GRIK5: variants seen among roughly 807,000 people sequenced by gnomAD.
The protein encoded by GRIK5 is glutamate receptor ionotropic, kainate 5.
GRIK5 carries 43 observed loss-of-function variants against 97.4 expected under a neutral mutation model. The ratio of observed to expected loss-of-function variants is 0.44; its 90% CI spans 0.35 to 0.57. The LOEUF (loss-of-function observed/expected upper bound fraction) is 0.57. Among genes scored for constraint, GRIK5 ranks in the 20% least tolerant of loss-of-function variants. The probability of loss-of-function intolerance (pLI) is 0.01; values close to 1 mark genes in which losing one functional copy is unlikely to be tolerated. For synonymous variants in GRIK5, 580 were observed against 583.5 expected, an observed-to-expected ratio of 0.99 and a Z score of 0.09; for missense variants, 1,015 against 1,382.0, an observed-to-expected ratio of 0.73 and a Z score of 4.21.
intron 6 of GRIK5, 150 bp from the exon 7 acceptor site, chr19:42,057,128 G>A: frequency 1.5e-6 from 1 of 684,018 alleles, no homozygotes; most frequent in Non-Finnish European, 2.6e-6. Flanking sequence ...AATGCTCAGA[G>A]ATAGACAGAC....
chr19:42,066,572 G>A (rs1403835092), intron 1 of GRIK5, among the ~76,000 whole-genome samples: 1 of 151,794 alleles, frequency 6.6e-6, no homozygotes, highest in Non-Finnish European at 1.5e-5. Context: ...AGAGAGAAAG[G>A]TCAAAATAGA....
At chr19:42,017,004 G>A (rs2075632997) in intron 15 of GRIK5, among the ~76,000 whole-genome samples, 1 of 151,856 alleles carries the variant, frequency 6.6e-6, no homozygotes, top group African/African-American at 2.4e-5. Context: ...TTTTAATCGA[G>A]GGATGACTGG....
At chr19:42,046,461 C>T (rs1163223587) in intron 11 of GRIK5, among the ~76,000 whole-genome samples, 7 of 152,204 alleles carry the variant, frequency 4.6e-5, no homozygotes, top group Non-Finnish European at 1.5e-5. Context: ...TGAGATACTG[C>T]TAAGTCCAGT....
At chr19:42,001,509 G>A (rs1272985512) in intron 19 of GRIK5, among the ~76,000 whole-genome samples, 2 of 152,160 alleles carry the variant, frequency 1.3e-5, no homozygotes, top group African/African-American at 4.8e-5. Flanking sequence ...GATTACAGGC[G>A]TGAGCCACCA....
chr19:42,062,321 G>T lies in GRIK5; in HGVS notation c.508+167C>A, dbSNP rs1040403333. 6.6e-6 allele frequency among the ~76,000 whole-genome samples: 1 copy of T among 152,122 alleles called. No individual in the cohort carries two copies. The highest frequency in any genetic ancestry group is 1.5e-5 in the Non-Finnish European group (1 of 68,020). On this transcript the variant is annotated intron_variant, in intron 5 of 19. Transcript: ENST00000593562. The surrounding 1 kb of genome is among the most constrained non-coding windows in gnomAD (Gnocchi z 5.3). ...AAATGGATCTCTTTGGGGAGAGAAG[G>T]GGTCTGTAGAACCAGAGGCCTCGGT...
intron 12 of GRIK5, among the ~76,000 whole-genome samples, chr19:42,036,392 G>A (rs150207831): frequency 2.1e-4 from 32 of 151,668 alleles, no homozygotes; most frequent in Middle Eastern, 6.8e-3. Context: ...TCACTCTGTC[G>A]CCCAGGCTGG....
chr19:42,044,970 T>C (rs1366180766), intron 11 of GRIK5, among the ~76,000 whole-genome samples: 4 of 152,186 alleles, frequency 2.6e-5, no homozygotes, highest in Non-Finnish European at 5.9e-5. Flanking sequence ...ACACTGGTTA[T>C]TGTGTATTGA....
At chr19:42,038,306 C>T (rs1258132088) in intron 12 of GRIK5, among the ~76,000 whole-genome samples, 1 of 152,188 alleles carries the variant, frequency 6.6e-6, no homozygotes, top group Non-Finnish European at 1.5e-5. Context: ...TCAAGACAGG[C>T]CAAGGAGACC....
chr19:42,007,648 T>C (rs1555873024), intron 15 of GRIK5, among the ~76,000 whole-genome samples: 2 of 152,198 alleles, frequency 1.3e-5, no homozygotes, highest in South Asian at 2.1e-4. Context: ...CAGAAACCGG[T>C]GGTCCCCTTG....
rs2075487759 is a variant in GRIK5, at chr19:42,006,160, C to A, written c.2038-212G>T. Among the ~76,000 whole-genome samples the A allele has an allele frequency of 6.6e-6, 1 of 152,162 alleles. No homozygotes were observed. The highest frequency in any genetic ancestry group is 2.1e-4 in the South Asian group (1 of 4,834). On this transcript the variant is annotated intron_variant, in intron 16 of 19. Coordinates refer to ENST00000593562, the MANE Select transcript of GRIK5 (RefSeq NM_002088.5). This position sits in a 1 kb window ranked among gnomAD's most constrained non-coding sequence, Gnocchi z 5.3. ...CCCCACAGCCACTGTGCCCACCACC[C>A]ACCTGGGGGGCCCGGTGAGTGCACC...
intron 12 of GRIK5, among the ~76,000 whole-genome samples, chr19:42,023,887 C>A (rs2075734753): frequency 6.6e-6 from 1 of 152,194 alleles, no homozygotes; most frequent in Non-Finnish European, 1.5e-5. Flanking sequence ...AGGACAGTCT[C>A]CTGTTTAAAA....
At chr19:42,053,555 G>C (rs1328324025) in intron 11 of GRIK5, 47 bp downstream of exon 11, 1 of 1,124,154 alleles carries the variant, frequency 8.9e-7, no homozygotes, top group Admixed American at 1.7e-5. Context: ...AGCTAGGACT[G>C]GGCTCAGGGC....
At chr19:42,008,936 G>A (rs2146022771) in intron 15 of GRIK5, among the ~76,000 whole-genome samples, 1 of 152,294 alleles carries the variant, frequency 6.6e-6, no homozygotes, top group South Asian at 2.1e-4. Flanking sequence ...GAAAAGATGA[G>A]GGAATTTGGG....
chr19:42,049,053 CAAAG>C (rs1187503876), intron 11 of GRIK5, among the ~76,000 whole-genome samples: 1 of 151,936 alleles, frequency 6.6e-6, no homozygotes. Context: ...AAAACAAAAA[CAAAG>C]AAAAATCAAA....
chr19:42,010,790 C>T (rs1482720589), intron 15 of GRIK5, among the ~76,000 whole-genome samples: 2 of 152,200 alleles, frequency 1.3e-5, no homozygotes, highest in African/African-American at 4.8e-5. Flanking sequence ...ATATTCCTCA[C>T]TTTCAAATTT....
At position 42,006,242 on chromosome 19, in the gene GRIK5, T is replaced by C. The variant is rs1555872662; in HGVS notation, c.2038-294A>G. Among the ~76,000 whole-genome samples the C allele has an allele frequency of 6.6e-6, 1 of 152,116 alleles. No homozygotes were observed. The highest frequency in any genetic ancestry group is 6.5e-5 in the Admixed American group (1 of 15,274). On this transcript the variant is annotated intron_variant, in intron 16 of 19. Transcript: ENST00000593562. This position sits in a 1 kb window ranked among gnomAD's most constrained non-coding sequence, Gnocchi z 5.3. Reference sequence around the variant, plus strand: ...TGGCCGCTGCCCAACTCAGGCCTCCTTTAGACCACTAGGACCTCCCTGCCA... The same window carrying C: ...TGGCCGCTGCCCAACTCAGGCCTCCCTTAGACCACTAGGACCTCCCTGCCA...
chr19:42,017,558 G>A (rs2075639558), intron 15 of GRIK5, among the ~76,000 whole-genome samples: 1 of 152,232 alleles, frequency 6.6e-6, no homozygotes, highest in South Asian at 2.1e-4. Context: ...AGCCCCATTT[G>A]AGGGGTGGCA....
chr19:42,066,031 G>C lies in GRIK5; in HGVS notation c.-50-211C>G, dbSNP rs551487658. ...AGCTCAGAGGGGCACTACCAGGGTG[G>C]AGGTCACAGTGCTCAGGCGCTGAGT... On this transcript the variant is annotated intron_variant, in intron 1 of 19. Coordinates refer to ENST00000593562, the MANE Select transcript of GRIK5 (RefSeq NM_002088.5). Among the ~76,000 whole-genome samples, 3 of 152,266 alleles carry C rather than the reference G, an allele frequency of 2.0e-5. No homozygotes were observed. In the South Asian group the frequency reaches 6.2e-4, roughly 32 times the overall value.
intron 3 of GRIK5, chr19:42,063,426 G>A (rs1389514594): frequency 2.2e-6 from 1 of 451,670 alleles, no homozygotes. Context: ...CTTCTCCTGG[G>A]GGAACTATCC....
Sources: allele counts gnomAD v4.1 joint callset (sites outside exome capture counted in the v4.1 genomes callset), GRCh38; gene constraint gnomAD v4.1.1; non-coding constraint Gnocchi (gnomAD v3.1); transcripts MANE v1.5; gene names NCBI Gene and HGNC (gene_info 2026-07-23, HGNC 2026-07-21).